Variants in FCHSD2 observed in about 807,000 individuals in gnomAD.
FCHSD2 encodes F-BAR and double SH3 domains protein 2.
In FCHSD2, 38 loss-of-function variants were observed where a neutral mutation model predicts 108.1. The ratio of observed to expected loss-of-function variants is 0.35; its 90% CI spans 0.27 to 0.46. FCHSD2 has a LOEUF of 0.46. Ranked by LOEUF, FCHSD2 falls within the 20% of genes least tolerant of loss-of-function variation. The pLI, the probability that FCHSD2 is intolerant of heterozygous loss-of-function variation, is 1.00. For missense variants in FCHSD2, 751 were observed against 897.8 expected, an observed-to-expected ratio of 0.84 and a Z score of 2.09; for synonymous variants, 279 against 314.7, an observed-to-expected ratio of 0.89 and a Z score of 1.20.
chr11:72,938,488 A>C (rs1038396359), intron 8 of FCHSD2, among the ~76,000 whole-genome samples: 6 of 152,150 alleles, frequency 3.9e-5, no homozygotes, highest in African/African-American at 1.4e-4. Flanking sequence ...TTTGCCTTCT[A>C]TTCTCTTCCT....
chr11:73,054,501 T>C (rs1858976100), intron 3 of FCHSD2, among the ~76,000 whole-genome samples: 1 of 152,070 alleles, frequency 6.6e-6, no homozygotes, highest in South Asian at 2.1e-4. Flanking sequence ...CTATTTTGGA[T>C]TTAAAAAGAA....
chr11:73,030,370 AC>A (rs1257275967), intron 3 of FCHSD2, among the ~76,000 whole-genome samples: 2 of 152,204 alleles, frequency 1.3e-5, no homozygotes, highest in African/African-American at 2.4e-5. Context: ...AATAAAAAAA[AC>A]AAAAGGAGAT....
chr11:72,906,637 T>C (rs1243067852), intron 9 of FCHSD2, among the ~76,000 whole-genome samples: 2 of 152,232 alleles, frequency 1.3e-5, no homozygotes, highest in Non-Finnish European at 2.9e-5. Flanking sequence ...TTAAGCTTTC[T>C]ACATATAGCT....
At chr11:73,133,830 A>T (rs1397040304) in intron 2 of FCHSD2, among the ~76,000 whole-genome samples, 3 of 151,650 alleles carry the variant, frequency 2.0e-5, no homozygotes, top group Non-Finnish European at 4.4e-5. Flanking sequence ...CCATTATGCC[A>T]AAAGAAACCA....
chr11:73,035,170 G>A (rs1858458427), intron 3 of FCHSD2, among the ~76,000 whole-genome samples: 1 of 124,838 alleles, frequency 8.0e-6, no homozygotes, highest in African/African-American at 3.0e-5. Context: ...ATGTATGTAT[G>A]TATGTATGTA....
At chr11:73,083,894 C>G (rs1859754880) in intron 2 of FCHSD2, among the ~76,000 whole-genome samples, 154 bp from the exon 3 acceptor site, 1 of 152,164 alleles carries the variant, frequency 6.6e-6, no homozygotes, top group Non-Finnish European at 1.5e-5. Context: ...CTGCTAACAG[C>G]CTGGTCTCTA....
At chr11:72,949,143 T>G (rs1856575581) in intron 8 of FCHSD2, among the ~76,000 whole-genome samples, 1 of 152,010 alleles carries the variant, frequency 6.6e-6, no homozygotes, top group South Asian at 2.1e-4. Context: ...TCCAGAACAT[T>G]TTTATCACCA....
chr11:72,936,786 C>T lies in FCHSD2; in HGVS notation c.706-14836G>A, dbSNP rs538121894. ...TTTGATTCCTTTTTATAATTTGTAT[C>T]AAAGATGATATTCTTTATTTGCTGA... On this transcript the variant is annotated intron_variant, in intron 8 of 19. Coordinates refer to ENST00000409418, the MANE Select transcript of FCHSD2 (RefSeq NM_014824.3). Among the ~76,000 whole-genome samples the T allele has an allele frequency of 2.4e-4, 36 of 152,230 alleles. 1 individual carries two copies. In the South Asian group the frequency reaches 6.4e-3, roughly 27 times the overall value.
intron 8 of FCHSD2, among the ~76,000 whole-genome samples, chr11:72,976,120 T>TTTTG (rs1335858711): frequency 6.6e-6 from 1 of 152,172 alleles, no homozygotes; most frequent in Non-Finnish European, 1.5e-5. Context: ...AGCAATAGTT[T>TTTTG]TTTGTTTGTT....
intron 4 of FCHSD2, among the ~76,000 whole-genome samples, chr11:73,004,256 T>C (rs1025535674): frequency 6.6e-6 from 1 of 152,188 alleles, no homozygotes; most frequent in Non-Finnish European, 1.5e-5. Flanking sequence ...ATAGGTATTA[T>C]TCCCATTTTA....
chr11:73,108,366 T>C (rs913636049), intron 2 of FCHSD2, among the ~76,000 whole-genome samples: 1 of 152,224 alleles, frequency 6.6e-6, no homozygotes, highest in Admixed American at 6.5e-5. Context: ...ATCTCTTCAC[T>C]TTGTTGATTG....
At chr11:73,030,029 C>A (rs1011879207) in intron 3 of FCHSD2, among the ~76,000 whole-genome samples, 3 of 152,148 alleles carry the variant, frequency 2.0e-5, no homozygotes, top group African/African-American at 7.2e-5. Flanking sequence ...TTAACAACAA[C>A]AACAACAACA....
At chr11:72,939,609 CTTTTTTTTTTTTTT>C (rs1194333407) in intron 8 of FCHSD2, among the ~76,000 whole-genome samples, 1 of 65,464 alleles carries the variant, frequency 1.5e-5, no homozygotes, top group African/African-American at 5.8e-5. Context: ...CTTTCTTTTC[CTTTTTTTTTTTTTT>C]TTTTTTTTTT....
intron 14 of FCHSD2, among the ~76,000 whole-genome samples, chr11:72,846,459 C>T (rs947753659): frequency 7.9e-5 from 12 of 152,132 alleles, no homozygotes; most frequent in African/African-American, 1.2e-4. Context: ...GGATTACAGG[C>T]GTGAGCTACC....
chr11:72,921,385 T>C (rs1855973693), intron 9 of FCHSD2, among the ~76,000 whole-genome samples: 2 of 152,198 alleles, frequency 1.3e-5, no homozygotes, highest in South Asian at 4.1e-4. Context: ...AGCATATAGA[T>C]AGTAGGGCTT....
At chr11:72,989,862 T>C (rs1454014487) in intron 5 of FCHSD2, among the ~76,000 whole-genome samples, 2 of 152,194 alleles carry the variant, frequency 1.3e-5, no homozygotes, top group African/African-American at 4.8e-5. Context: ...TAAAAACTTC[T>C]AAGCCTGAAA....
At chr11:72,839,625 C>G (rs920657389) in intron 19 of FCHSD2, among the ~76,000 whole-genome samples, 1 of 152,002 alleles carries the variant, frequency 6.6e-6, no homozygotes, top group Non-Finnish European at 1.5e-5. Context: ...AAGAATGATG[C>G]CAGAACACCA....
chr11:73,113,565 C>T (rs763257250), intron 2 of FCHSD2, among the ~76,000 whole-genome samples: 9 of 151,870 alleles, frequency 5.9e-5, no homozygotes, highest in Admixed American at 1.3e-4. Context: ...AACGGGGTTT[C>T]GCCATGTTGC....
chr11:72,974,849 A>C (rs1049199422), intron 8 of FCHSD2, among the ~76,000 whole-genome samples: 1 of 152,240 alleles, frequency 6.6e-6, no homozygotes, highest in African/African-American at 2.4e-5. Context: ...GAGATTTAAC[A>C]GAATTAAAGC....
Sources: gnomAD v4.1 joint callset for allele counts (sites outside exome capture counted in the v4.1 genomes callset) on GRCh38, gnomAD v4.1.1 for gene constraint, MANE v1.5 for transcripts, NCBI Gene and HGNC (gene_info 2026-07-23, HGNC 2026-07-21) for gene names.